Variants in CYB5R4 observed in about 807,000 individuals in gnomAD.
The protein encoded by CYB5R4 is N-terminal cytochrome b5 and cytochrome b5 oxidoreductase domain-containing protein.
A neutral mutation model predicts 70.2 loss-of-function variants in CYB5R4; 55 were observed. The observed-to-expected ratio is 0.78, with a 90% CI of 0.63 to 0.98. The LOEUF is 0.98. CYB5R4 is among the 50% of genes least tolerant of loss of function. CYB5R4 has a pLI of 0.00. For synonymous variants in CYB5R4, 197 were observed against 199.5 expected, an observed-to-expected ratio of 0.99 and a Z score of 0.11; for missense variants, 562 against 612.6, an observed-to-expected ratio of 0.92 and a Z score of 0.87.
intron 2 of CYB5R4, among the ~76,000 whole-genome samples, chr6:83,875,661 G>A (rs1055452090): frequency 6.6e-5 from 10 of 152,196 alleles, no homozygotes; most frequent in Admixed American, 3.9e-4. Context: ...GTTCCTGAGA[G>A]TAAGAGGAGG....
chr6:83,914,352 G>T, intron 4 of CYB5R4, 64 bp from the exon 5 acceptor site: 1 of 1,460,692 alleles, frequency 6.8e-7, no homozygotes, highest in Non-Finnish European at 9.3e-7. Context: ...CAGTAATGTG[G>T]ACTGACATTC....
At chr6:83,876,495 TTGC>T (rs1219616730) in intron 2 of CYB5R4, among the ~76,000 whole-genome samples, 1 of 67,538 alleles carries the variant, frequency 1.5e-5, no homozygotes, top group Non-Finnish European at 4.0e-5. Context: ...TTATACTTCT[TTGC>T]TTTTTTTTTT....
At chr6:83,908,025 C>G (rs530923001) in intron 3 of CYB5R4, among the ~76,000 whole-genome samples, 2 of 152,266 alleles carry the variant, frequency 1.3e-5, no homozygotes, top group African/African-American at 4.8e-5. Context: ...AATGGTAGTT[C>G]TGTTTTTAGT....
In CYB5R4 at chr6:83,941,339, A is replaced by G. The variant is rs2099469729; in HGVS notation, c.1346+738A>G. Among the ~76,000 whole-genome samples the G allele has an allele frequency of 2.0e-5, 3 of 152,350 alleles. No individual in the cohort carries two copies. In the South Asian group the frequency reaches 6.2e-4, roughly 32 times the overall value. On this transcript the variant is annotated intron_variant, in intron 14 of 15. Transcript: ENST00000369681. ...ATTTGAAAGCAGTAGGAAGTTCAGA[A>G]CAATCTTTTCACAAAAAGTGAATTC...
intron 14 of CYB5R4, among the ~76,000 whole-genome samples, chr6:83,944,246 A>T (rs914452467): frequency 6.6e-6 from 1 of 152,124 alleles, no homozygotes; most frequent in African/African-American, 2.4e-5. Context: ...CTCTGCAGAA[A>T]CCCTACAAAC....
At chr6:83,877,149 G>C (rs1345317784) in intron 2 of CYB5R4, among the ~76,000 whole-genome samples, 1 of 152,104 alleles carries the variant, frequency 6.6e-6, no homozygotes, top group Non-Finnish European at 1.5e-5. Flanking sequence ...TTTTTTTATA[G>C]TGCAGGTCTG....
rs767018884 is a variant in CYB5R4 at position 83,934,652 on chromosome 6, G to C, written c.872G>C (p.Arg291Thr). 1.2e-6 allele frequency: 2 copies of C among 1,613,352 alleles called. No homozygotes were observed. Among genetic ancestry groups the C allele is most frequent in the African/African-American group, 1.3e-5 (1 of 74,898 alleles). ...AAGGAAGATGTTACTCATGATACGA[G>C]GCTTTTCTGTTTGATGCTGCCACCA... ...ISKEDVTHDTRLFCLMLPPST... is the reference protein window; with the variant it reads ...ISKEDVTHDTTLFCLMLPPST... Residue 291 changes from arginine (R) to threonine (T), a missense_variant, in exon 11 of 16, where the codon AGG becomes ACG. Transcript: ENST00000369681.
rs2099469548 is a variant in CYB5R4, at chr6:83,940,294, AT to A, written c.1259+89del. 2.4e-6 allele frequency: 3 copies of A among 1,264,496 alleles called. No homozygotes were observed. The South Asian group carries it at 4.7e-5, about 20-fold the overall frequency. The allele number at this position is 1,264,496 out of a possible 1,614,324, so 78.3% of individuals were successfully genotyped here. On this transcript the variant is annotated intron_variant, in intron 13 of 15. Transcript: ENST00000369681. The stretch of plus-strand genomic sequence containing the variant: ...TAAATTGATTACTCACTGGACCTTA[AT>A]AGACATGTTACCATTTCCTCATTCA...
intron 2 of CYB5R4, among the ~76,000 whole-genome samples, chr6:83,869,772 G>A (rs781597060): frequency 2.6e-5 from 4 of 151,002 alleles, no homozygotes; most frequent in African/African-American, 7.3e-5. Flanking sequence ...CCAGTCAGCC[G>A]AGATCACACC....
chr6:83,936,350 C>T lies in CYB5R4; in HGVS notation c.1082C>T (p.Thr361Ile). ...LIKIYPTGLF[T>I]PELDRLQIGD... is the part of the protein sequence containing the mutation. The stretch of plus-strand genomic sequence containing the variant: ...AAAATCTATCCCACTGGACTCTTCA[C>T]ACCAGAGCTTGATCGTCTTCAGATT... Residue 361 changes from threonine to isoleucine, a missense_variant, in exon 12 of 16, where the codon ACA (threonine) becomes ATA (isoleucine). Coordinates refer to ENST00000369681, the MANE Select transcript of CYB5R4 (RefSeq NM_016230.4). 1 of 1,611,526 alleles carries T rather than the reference C, an allele frequency of 6.2e-7. No homozygotes were observed. The highest frequency in any genetic ancestry group is 1.1e-5 in the South Asian group (1 of 90,754).
At chr6:83,951,392 C>T (rs1375471315) in intron 14 of CYB5R4, among the ~76,000 whole-genome samples, 1 of 152,104 alleles carries the variant, frequency 6.6e-6, no homozygotes, top group African/African-American at 2.4e-5. Flanking sequence ...CCCATCAACC[C>T]ATTATCTACA....
At chr6:83,879,601 C>CCTGTAGGCCTTAAA in intron 2 of CYB5R4, among the ~76,000 whole-genome samples, 1 of 152,210 alleles carries the variant, frequency 6.6e-6, no homozygotes, top group East Asian at 1.9e-4. Flanking sequence ...ACCTTGTACT[C>CCTGTAGGCCTTAAA]CTGTAGGCCT....
intron 3 of CYB5R4, among the ~76,000 whole-genome samples, chr6:83,899,195 A>G (rs2099462439): frequency 6.6e-6 from 1 of 152,172 alleles, no homozygotes; most frequent in South Asian, 2.1e-4. Context: ...ATTTTGTCAA[A>G]GGCCTTTTCT....
At chr6:83,901,846 T>G (rs2099463023) in intron 3 of CYB5R4, among the ~76,000 whole-genome samples, 1 of 152,164 alleles carries the variant, frequency 6.6e-6, no homozygotes, top group African/African-American at 2.4e-5. Flanking sequence ...GAGAATTGTC[T>G]ATTCATGTTC....
At chr6:83,933,289 G>T (rs546872621) in intron 10 of CYB5R4, among the ~76,000 whole-genome samples, 64 of 152,262 alleles carry the variant, frequency 4.2e-4, no homozygotes, top group Middle Eastern at 3.4e-3. Flanking sequence ...TGCATAAAGC[G>T]ATATAGTCTA....
rs1455996010 is a variant in CYB5R4 at position 83,859,837 on chromosome 6, G to C, written c.55G>C (p.Ala19Pro). ...GGCCCCCAGGTCGCAGCAGCGTGTC[G>C]CCTCCGGGGGGCGTAGCAAGGTAAG... is the stretch of plus-strand genomic sequence containing the variant. The part of the protein sequence containing the change: ...FPAPRSQQRV[A>P]SGGRSKVPLK... Residue 19 changes from alanine (A) to proline (P), a missense_variant, in exon 1 of 16, where the codon GCC becomes CCC. By Grantham distance (27) the Ala-to-Pro change is conservative (BLOSUM62 -1). Coordinates refer to ENST00000369681, the MANE Select transcript of CYB5R4 (RefSeq NM_016230.4). The C allele has an allele frequency of 1.2e-5, 19 of 1,612,904 alleles. No homozygotes were observed. Among genetic ancestry groups the C allele is most frequent in the Non-Finnish European group, 1.5e-5 (18 of 1,179,698 alleles).
chr6:83,893,623 G>A lies in CYB5R4; in HGVS notation c.330+1G>A. 6.3e-7 allele frequency: 1 copy of A among 1,584,242 alleles called. No homozygotes were observed. The highest frequency in any genetic ancestry group is 8.6e-7 in the Non-Finnish European group (1 of 1,156,394). On this transcript the variant is annotated splice_donor_variant, in intron 3 of 15. Coordinates refer to ENST00000369681, the MANE Select transcript of CYB5R4 (RefSeq NM_016230.4). LOFTEE classifies it high-confidence loss of function. ...AGATGGTACTGAACTTTTTGATCAG[G>A]TAAGATGTGCTGAAAGTAACCAAAG...
chr6:83,860,856 G>C (rs539323413), intron 1 of CYB5R4, among the ~76,000 whole-genome samples: 22 of 152,274 alleles, frequency 1.4e-4, no homozygotes, highest in Non-Finnish European at 2.4e-4. Flanking sequence ...TGCTTTGCAT[G>C]TATTAACTTT....
At chr6:83,942,569 T>G (rs902722348) in intron 14 of CYB5R4, among the ~76,000 whole-genome samples, 1 of 150,664 alleles carries the variant, frequency 6.6e-6, no homozygotes, top group Non-Finnish European at 1.5e-5. Flanking sequence ...GCTGCAGGAG[T>G]TTTTTTTTGT....
Sources: gnomAD v4.1 joint callset for allele counts (sites outside exome capture counted in the v4.1 genomes callset) on GRCh38, gnomAD v4.1.1 for gene constraint, MANE v1.5 for transcripts, NCBI Gene and HGNC (gene_info 2026-07-23, HGNC 2026-07-21) for gene names.